UBAC2: variants seen among roughly 807,000 people sequenced by gnomAD.
UBAC2 encodes ubiquitin-associated domain-containing protein 2.
In UBAC2, 26 loss-of-function variants were observed where a neutral mutation model predicts 44.0. The ratio of observed to expected loss-of-function variants is 0.59; its 90% CI spans 0.43 to 0.82. The LOEUF is 0.82. Ranked by LOEUF, UBAC2 falls within the 40% of genes least tolerant of loss-of-function variation. The pLI, the probability that UBAC2 is intolerant of heterozygous loss-of-function variation, is 0.00. For missense variants in UBAC2, 329 were observed against 419.4 expected, an observed-to-expected ratio of 0.78 and a Z score of 1.88; for synonymous variants, 155 against 154.3, an observed-to-expected ratio of 1.00 and a Z score of -0.04.
chr13:99,237,476 G>T (rs2043251013), intron 1 of UBAC2, among the ~76,000 whole-genome samples: 1 of 152,148 alleles, frequency 6.6e-6, no homozygotes, highest in Non-Finnish European at 1.5e-5. Flanking sequence ...GTTATCAGAG[G>T]CTGGGAAGGG....
chr13:99,345,388 A>C (rs1305790426), intron 7 of UBAC2, among the ~76,000 whole-genome samples: 1 of 151,108 alleles, frequency 6.6e-6, no homozygotes, highest in Non-Finnish European at 1.5e-5. Flanking sequence ...ACCACAGAGG[A>C]GGAGACAAAT....
intron 6 of UBAC2, among the ~76,000 whole-genome samples, chr13:99,328,101 A>G (rs746201999): frequency 2.1e-5 from 3 of 143,122 alleles, no homozygotes; most frequent in Non-Finnish European, 3.2e-5. Context: ...ATTGTATAAT[A>G]TGAAGTATTT....
intron 4 of UBAC2, among the ~76,000 whole-genome samples, chr13:99,246,232 T>G (rs2142744951): frequency 6.6e-6 from 1 of 152,354 alleles, no homozygotes; most frequent in East Asian, 1.9e-4. Flanking sequence ...TTAGCTCTTT[T>G]AATAATGTAT....
At chr13:99,224,976 GT>G in intron 1 of UBAC2, among the ~76,000 whole-genome samples, 1 of 152,204 alleles carries the variant, frequency 6.6e-6, no homozygotes, top group Non-Finnish European at 1.5e-5. Context: ...TTCCACATAG[GT>G]TTCTGAGATG....
At chr13:99,348,241 ACGCCGCCTGCGC>A (rs2045022196) in intron 7 of UBAC2, among the ~76,000 whole-genome samples, 1 of 152,130 alleles carries the variant, frequency 6.6e-6, no homozygotes, top group Non-Finnish European at 1.5e-5. Context: ...ATTAAATAAG[ACGCCGCCTGCGC>A]CTTCAAGAAG....
chr13:99,311,589 A>G (rs2044411839), intron 4 of UBAC2, among the ~76,000 whole-genome samples: 1 of 152,252 alleles, frequency 6.6e-6, no homozygotes, highest in Non-Finnish European at 1.5e-5. Context: ...TCCAACCAAT[A>G]TTGAATATGG....
chr13:99,380,393 G>A (rs1463569972), intron 8 of UBAC2, among the ~76,000 whole-genome samples: 1 of 152,196 alleles, frequency 6.6e-6, no homozygotes, highest in East Asian at 1.9e-4. Context: ...TCTCTGAGCA[G>A]AGGAATAGTG....
Position 99,244,517 on chromosome 13 carries a change from C to G in UBAC2, c.282C>G (p.Ser94=). The change falls in exon 4 of 9, where the codon TCC becomes TCG. Residue 94 remains serine (S), a splice_region_variant and synonymous_variant. Coordinates refer to ENST00000403766, the MANE Select transcript of UBAC2 (RefSeq NM_001144072.2). ...ERRYGSRKFA[S]FLLGSWVLSA... ...TTTTCTGCTGTTTTATTTTGTAGTC[C>G]TTTTTGCTGGGTTCCTGGGTTTTGT... 1 of 1,610,158 alleles carries G rather than the reference C, an allele frequency of 6.2e-7. No homozygotes were observed. Among genetic ancestry groups the G allele is most frequent in the Non-Finnish European group, 8.5e-7 (1 of 1,177,262 alleles).
At chr13:99,214,385 G>A (rs1156526001) in intron 1 of UBAC2, among the ~76,000 whole-genome samples, 1 of 152,078 alleles carries the variant, frequency 6.6e-6, no homozygotes, top group Non-Finnish European at 1.5e-5. Context: ...TGTGGGTACA[G>A]CCTTTTCCCG....
intron 4 of UBAC2, among the ~76,000 whole-genome samples, chr13:99,303,971 C>T (rs1050678421): frequency 3.3e-5 from 5 of 152,258 alleles, no homozygotes; most frequent in South Asian, 2.1e-4. Flanking sequence ...GCTGCACATC[C>T]GTGTCTGTCT....
Position 99,385,710 on chromosome 13 carries a change from G to C in UBAC2, c.*375G>C, listed in dbSNP as rs2045611339. 2.0e-5 allele frequency: 4 copies of C among 204,952 alleles called. No individual in the cohort carries two copies. In the South Asian group the frequency reaches 4.2e-4, roughly 21 times the overall value. The allele number at this position is 204,952 out of a possible 1,614,324, so 12.7% of individuals were successfully genotyped here. A position where few individuals can be genotyped will look rare whatever the true frequency, so the allele number is the denominator to read the frequency against. ...AACATGTCATCTCCTGCGTCGTGAT[G>C]GGGAGAGGGTAATGTTACTTCACAA... On this transcript the variant is annotated 3_prime_UTR_variant, in exon 9 of 9. Transcript: ENST00000403766.
intron 6 of UBAC2, among the ~76,000 whole-genome samples, chr13:99,334,896 C>T (rs1399746654): frequency 1.3e-5 from 2 of 151,086 alleles, no homozygotes; most frequent in East Asian, 3.9e-4. Flanking sequence ...ACTTTAAATA[C>T]AAAGACACAA....
chr13:99,359,682 C>T (rs1208051001), intron 7 of UBAC2, among the ~76,000 whole-genome samples: 1 of 152,242 alleles, frequency 6.6e-6, no homozygotes, highest in East Asian at 1.9e-4. Context: ...GTGGACCATG[C>T]AAATCTGTCT....
At chr13:99,247,416 G>A (rs1338393591) in intron 4 of UBAC2, among the ~76,000 whole-genome samples, 15 of 151,264 alleles carry the variant, frequency 9.9e-5, no homozygotes, top group Admixed American at 5.3e-4. Flanking sequence ...GGGTTTCACC[G>A]TGTTAGCCAG....
chr13:99,260,899 G>GGGTTTT (rs1402785471), intron 4 of UBAC2, among the ~76,000 whole-genome samples: 2 of 152,070 alleles, frequency 1.3e-5, no homozygotes, highest in East Asian at 3.9e-4. Context: ...CTGCAGTTTT[G>GGGTTTT]GGTTTTGGTT....
chr13:99,255,522 A>G (rs2043535837), intron 4 of UBAC2: 1 of 1,614,198 alleles, frequency 6.2e-7, no homozygotes, highest in East Asian at 2.2e-5. Flanking sequence ...TGTATCTGTC[A>G]GCACTAATAA....
At chr13:99,303,185 A>T in intron 4 of UBAC2, among the ~76,000 whole-genome samples, 1 of 152,220 alleles carries the variant, frequency 6.6e-6, no homozygotes, top group Non-Finnish European at 1.5e-5. Context: ...AGTACAGAGA[A>T]CTTCTTCAAG....
chr13:99,241,173 A>C (rs1450864807), intron 2 of UBAC2, among the ~76,000 whole-genome samples: 1 of 150,750 alleles, frequency 6.6e-6, no homozygotes, highest in Admixed American at 6.6e-5. Context: ...CTGAGCTGCG[A>C]GTATTGATTC....
chr13:99,272,922 C>A (rs185379979), intron 4 of UBAC2, among the ~76,000 whole-genome samples: 30 of 151,302 alleles, frequency 2.0e-4, no homozygotes, highest in Non-Finnish European at 1.0e-4. Flanking sequence ...TTCCATTGGT[C>A]CGTGTGTCTG....
Sources: gnomAD v4.1 joint callset for allele counts (sites outside exome capture counted in the v4.1 genomes callset) on GRCh38, gnomAD v4.1.1 for gene constraint, MANE v1.5 for transcripts, NCBI Gene and HGNC (gene_info 2026-07-23, HGNC 2026-07-21) for gene names.